CTBP2: variants seen among roughly 807,000 people sequenced by gnomAD.
The protein encoded by CTBP2 is C-terminal binding protein 2.
In CTBP2, 30 loss-of-function variants were observed where a neutral mutation model predicts 80.3. The ratio of observed to expected loss-of-function variants is 0.37; its 90% CI spans 0.28 to 0.51. The LOEUF is 0.51. Ranked by LOEUF, CTBP2 falls within the 20% of genes least tolerant of loss-of-function variation. CTBP2 has a pLI of 0.93. For missense variants in CTBP2, 1,212 were observed against 1,375.3 expected (o/e 0.88, Z 1.88); for synonymous variants, 594 against 587.4 (o/e 1.01, Z -0.16).
Position 125,027,098 on chromosome 10 carries a change from G to A in CTBP2, c.662C>T (p.Pro221Leu), listed in dbSNP as rs1564742337. The change falls in exon 1 of 9, where the codon CCT becomes CTT. Residue 221 changes from proline to leucine, a missense_variant. Around this residue, in one of 3 missense-constraint regions of CTBP2, gnomAD observed 848 missense variants for 782.3 expected, o/e 1.08. Coordinates refer to ENST00000309035, the MANE Select transcript of CTBP2 (RefSeq NM_022802.3). ...CGGGGCCACCTGTCTGGCAGGGGCA[G>A]GGTCAATGGGTCTTTCGCTGATGTC... The A allele has an allele frequency of 4.3e-6, 7 of 1,609,870 alleles. No homozygotes were observed. Among genetic ancestry groups the A allele is most frequent in the Non-Finnish European group, 5.9e-6 (7 of 1,177,310 alleles).
At chr10:125,038,442 G>A (rs1319327291) in intron 3 of CTBP2, among the ~76,000 whole-genome samples, 1 of 152,182 alleles carries the variant, frequency 6.6e-6, no homozygotes, top group African/African-American at 2.4e-5. Context: ...AGCTGGAAGA[G>A]CGCAGTGCTT....
intron 1 of CTBP2, among the ~76,000 whole-genome samples, chr10:125,013,426 G>A (rs865913690): frequency 1.3e-5 from 2 of 152,208 alleles, no homozygotes; most frequent in African/African-American, 4.8e-5. Context: ...CACCGCTGCC[G>A]TCAGCCTCTT....
Position 124,986,289 on chromosome 10 carries a change from G to GCACACACA in CTBP2, c.*3228_*3229insTGTGTGTG, listed in dbSNP as rs1348841236. 72 of 108,436 alleles carry GCACACACA rather than the reference G, an allele frequency of 6.6e-4. No homozygotes were observed. Among genetic ancestry groups the GCACACACA allele is most frequent in the African/African-American group, 2.5e-3 (68 of 27,624 alleles). The allele number at this position is 108,436 out of a possible 1,614,324, so 6.7% of individuals were successfully genotyped here. On this transcript the variant is annotated 3_prime_UTR_variant, in exon 9 of 9. Transcript: ENST00000309035. ...AAAGACGACACACGCACGCGCGCGC[G>GCACACACA]CGCACACACACACACACACACACAC...
At chr10:125,003,751 A>G (rs1954857950) in intron 1 of CTBP2, among the ~76,000 whole-genome samples, 1 of 152,176 alleles carries the variant, frequency 6.6e-6, no homozygotes, top group Non-Finnish European at 1.5e-5. Context: ...CGAGAGCCTC[A>G]GGACCATGGG....
rs74160997 is a variant in CTBP2 at position 124,997,572 on chromosome 10, T to C, written c.2185+392A>G. On this transcript the variant is annotated intron_variant, in intron 4 of 8. Transcript: ENST00000309035. ...CCATGTCCATAACCCGCGTCTCCACTGAACCCTACGCCAGCCCCTACACGA... is the reference window on the plus strand; with the variant it reads ...CCATGTCCATAACCCGCGTCTCCACCGAACCCTACGCCAGCCCCTACACGA... 791 of 247,428 alleles carry C rather than the reference T, an allele frequency of 3.2e-3. 8 individuals carry two copies. Among genetic ancestry groups the C allele is most frequent in the African/African-American group, 0.016 (739 of 45,254 alleles). The allele number at this position is 247,428 out of a possible 1,614,324, so 15.3% of individuals were successfully genotyped here.
chr10:125,015,481 T>C (rs1013700210), intron 1 of CTBP2, among the ~76,000 whole-genome samples: 11 of 152,174 alleles, frequency 7.2e-5, no homozygotes, highest in Non-Finnish European at 1.3e-4. Flanking sequence ...GGCCTGGCCA[T>C]CCTCCCCTGC....
chr10:124,989,632 A>T lies in CTBP2; in HGVS notation c.2844T>A (p.Pro948=), dbSNP rs578199923. 1.9e-6 allele frequency: 3 copies of T among 1,611,214 alleles called. No individual in the cohort carries two copies. Among genetic ancestry groups the T allele is most frequent in the Non-Finnish European group, 2.5e-6 (3 of 1,178,616 alleles). The change falls in exon 9 of 9, where the codon CCT becomes CCA. Residue 948 remains proline, a synonymous_variant. Transcript: ENST00000309035. ...GGTTGTGAGTCACTGGGATGCCTCC[A>T]GGGATGATCCCTTCCATGGCTGCAG...
chr10:125,108,927 AG>A (rs1192398739), intron 2 of CTBP2, among the ~76,000 whole-genome samples: 4 of 152,262 alleles, frequency 2.6e-5, no homozygotes, highest in Admixed American at 6.5e-5. Context: ...ACCCCACATA[AG>A]GGTAAGTGTC....
chr10:125,128,595 G>A (rs369301704), intron 1 of CTBP2, among the ~76,000 whole-genome samples: 5 of 152,310 alleles, frequency 3.3e-5, no homozygotes, highest in South Asian at 4.1e-4. Flanking sequence ...TAGTAGGGAG[G>A]TGGGGGTCAA....
chr10:125,149,491 C>T (rs1343491155), intron 1 of CTBP2, among the ~76,000 whole-genome samples: 1 of 152,174 alleles, frequency 6.6e-6, no homozygotes, highest in Non-Finnish European at 1.5e-5. Flanking sequence ...TGTCAAGAGA[C>T]TCCTCCCAGC....
chr10:125,003,062 T>C lies in CTBP2; in HGVS notation c.1876A>G (p.Thr626Ala). The C allele has an allele frequency of 6.2e-7, 1 of 1,614,024 alleles. No individual in the cohort carries two copies. The highest frequency in any genetic ancestry group is 8.5e-7 in the Non-Finnish European group (1 of 1,180,026). ...TTCTCCAGGTCCTCCCTGGTGAGGG[T>C]GATGGTGTGGTACATCATGGCGCCC... The change falls in exon 3 of 9, where the codon ACC becomes GCC. Residue 626 changes from threonine (T) to alanine (A), a missense_variant. Thr to Ala is a moderately conservative substitution (Grantham distance 58, BLOSUM62 0). This residue lies in a region of CTBP2 where 335 missense variants were observed against 504.7 expected (regional missense o/e 0.66). Transcript: ENST00000309035.
intron 2 of CTBP2, among the ~76,000 whole-genome samples, chr10:125,070,379 G>A (rs1222544248): frequency 2.6e-5 from 4 of 151,698 alleles, no homozygotes; most frequent in African/African-American, 4.8e-5. Context: ...CAAATGTATC[G>A]TACTAATGTA....
chr10:125,019,551 T>G (rs12263616), intron 1 of CTBP2, among the ~76,000 whole-genome samples: 10 of 152,234 alleles, frequency 6.6e-5, no homozygotes, highest in African/African-American at 2.4e-4. Context: ...GCTCTAATTT[T>G]GCTCTACCCA....
rs1459165191 is a variant in CTBP2, at chr10:124,986,868, G to GTC, written c.*2648_*2649dup. 1 of 139,972 alleles carries GTC rather than the reference G, an allele frequency of 7.1e-6. No individual in the cohort carries two copies. The highest frequency in any genetic ancestry group is 2.1e-4 in the East Asian group (1 of 4,660). The allele number at this position is 139,972 out of a possible 1,614,324, so 8.7% of individuals were successfully genotyped here. On this transcript the variant is annotated 3_prime_UTR_variant, in exon 9 of 9. Coordinates refer to ENST00000309035, the MANE Select transcript of CTBP2 (RefSeq NM_022802.3). The stretch of plus-strand genomic sequence containing the variant: ...GAGGGAAAAGCATGTAGCCATTGCA[G>GTC]TCTGCATTGCAGCCAGCGTTGTCCA...
chr10:125,075,143 C>G (rs1846086696), intron 2 of CTBP2, among the ~76,000 whole-genome samples: 1 of 152,166 alleles, frequency 6.6e-6, no homozygotes, highest in African/African-American at 2.4e-5. Context: ...TTCTGCTCAT[C>G]AAAAAGATTA....
chr10:124,989,424 A>G lies in CTBP2; in HGVS notation c.*94T>C. The G allele has an allele frequency of 7.6e-7, 1 of 1,315,366 alleles. No individual in the cohort carries two copies. Among genetic ancestry groups the G allele is most frequent in the Non-Finnish European group, 1.1e-6 (1 of 911,282 alleles). The allele number at this position is 1,315,366 out of a possible 1,614,324, so 81.5% of individuals were successfully genotyped here. A position where few individuals can be genotyped will look rare whatever the true frequency, so the allele number is the denominator to read the frequency against. On this transcript the variant is annotated 3_prime_UTR_variant, in exon 9 of 9. Coordinates refer to ENST00000309035, the MANE Select transcript of CTBP2 (RefSeq NM_022802.3). ...GATGCATATGTCCAGAATCAGTTAC[A>G]AAGACCATCCGATTCTTTTTCTCTT...
intron 1 of CTBP2, among the ~76,000 whole-genome samples, chr10:125,152,868 T>G (rs1284274375): frequency 6.6e-6 from 1 of 152,018 alleles, no homozygotes; most frequent in Non-Finnish European, 1.5e-5. Context: ...CAATCCAGAG[T>G]GCGGACCACA....
At chr10:125,101,556 T>C (rs1185623345) in intron 2 of CTBP2, among the ~76,000 whole-genome samples, 1 of 152,148 alleles carries the variant, frequency 6.6e-6, no homozygotes, top group Non-Finnish European at 1.5e-5. Context: ...TTTCACTGCT[T>C]GATAGGAAAA....
At position 125,116,830 on chromosome 10, in the gene CTBP2, G is replaced by C. The variant is rs116903244; in HGVS notation, c.-205-5737C>G. Among the ~76,000 whole-genome samples, 5 of 152,314 alleles carry C rather than the reference G, an allele frequency of 3.3e-5. No homozygotes were observed. In the East Asian group the frequency reaches 9.7e-4, roughly 29 times the overall value. ...ATCCTCCCAACGATTTCAAGTTCAA[G>C]GGCAGCGGTCAAGGAAAAGCCTCGG... On this transcript the variant is annotated intron_variant, in intron 1 of 10. Coordinates refer to the CTBP2 transcript ENST00000337195.
Sources: allele counts gnomAD v4.1 joint callset (sites outside exome capture counted in the v4.1 genomes callset), GRCh38; gene constraint gnomAD v4.1.1; regional missense constraint gnomAD v4.1.1; transcripts MANE v1.5; gene names NCBI Gene and HGNC (gene_info 2026-07-23, HGNC 2026-07-21).